Variants in SPP2 observed in about 807,000 individuals in gnomAD.
SPP2 encodes the protein secreted phosphoprotein 24.
In SPP2, 34 loss-of-function variants were observed where a neutral mutation model predicts 28.8. The observed-to-expected ratio is 1.18, with a 90% CI of 0.90 to 1.57. The LOEUF (loss-of-function observed/expected upper bound fraction) is 1.57, where lower values mean the gene tolerates loss of function less well. Among genes scored for constraint, SPP2 ranks in the 40% most tolerant of loss-of-function variants. SPP2 has a pLI of 0.00. For synonymous variants in SPP2, 96 were observed against 89.4 expected, an observed-to-expected ratio of 1.07 and a Z score of -0.42; for missense variants, 269 against 263.9, an observed-to-expected ratio of 1.02 and a Z score of -0.13.
Position 234,076,940 on chromosome 2 carries a change from G to A in SPP2, c.*106G>A, listed in dbSNP as rs1013876146. 2.6e-5 allele frequency: 4 copies of A among 152,000 alleles called. No homozygotes were observed. The highest frequency in any genetic ancestry group is 5.9e-5 in the Non-Finnish European group (4 of 68,050). 9.4% of individuals were successfully genotyped at this position (152,000 alleles called of 1,614,324 possible). ...CGGATCTGGTTTTGAATAATTCCCA[G>A]GAGTCCTGGGTCCCTGGCCTCCAAA... On this transcript the variant is annotated 3_prime_UTR_variant, in exon 8 of 8. Transcript: ENST00000168148.
chr2:234,064,307 G>A (rs1472452500), intron 4 of SPP2, among the ~76,000 whole-genome samples: 13 of 152,032 alleles, frequency 8.6e-5, no homozygotes, highest in Non-Finnish European at 1.8e-4. Flanking sequence ...TTGCTGCAGA[G>A]AGGCTTTCCC....
intron 4 of SPP2, among the ~76,000 whole-genome samples, chr2:234,062,604 C>T (rs759949301): frequency 3.5e-4 from 53 of 151,622 alleles, no homozygotes; most frequent in Non-Finnish European, 6.8e-4. Flanking sequence ...AATCAGATGA[C>T]GAATAGATTG....
At chr2:234,074,857 C>G (rs1690864398) in intron 7 of SPP2, among the ~76,000 whole-genome samples, 1 of 152,160 alleles carries the variant, frequency 6.6e-6, no homozygotes. Flanking sequence ...AGCTCTATAA[C>G]TCATGCCTGA....
rs757943898 is a variant in SPP2, at chr2:234,060,349, C to T, written c.334-20C>T. ...TCCACAAACAGCTGAAGAGAGAACT[C>T]ACCCCTTTGTCTTTTCCAGTCCACA... On this transcript the variant is annotated intron_variant, in intron 3 of 7. Coordinates refer to ENST00000168148, the MANE Select transcript of SPP2 (RefSeq NM_006944.3). 8 of 1,576,412 alleles carry T rather than the reference C, an allele frequency of 5.1e-6. No homozygotes were observed. The East Asian group carries it at 1.8e-4, about 35-fold the overall frequency.
intron 3 of SPP2, 57 bp downstream of exon 3, chr2:234,059,015 C>T: frequency 1.3e-6 from 2 of 1,578,444 alleles, no homozygotes; most frequent in East Asian, 2.3e-5. Context: ...TCACTTCTTC[C>T]ATGACCTGGA....
At chr2:234,067,387 TA>T in intron 6 of SPP2, 113 bp downstream of exon 6, 1 of 959,646 alleles carries the variant, frequency 1.0e-6, no homozygotes. Context: ...ATCTCTGAAA[TA>T]CAAAATATTT....
chr2:234,051,679 C>T (rs557563335), intron 2 of SPP2, among the ~76,000 whole-genome samples: 50 of 152,246 alleles, frequency 3.3e-4, no homozygotes, highest in Admixed American at 2.9e-3. Flanking sequence ...TTCCTGTTCC[C>T]CAGGTAATTT....
At chr2:234,056,234 C>T (rs957068674) in intron 2 of SPP2, 4 of 152,072 alleles carry the variant, frequency 2.6e-5, no homozygotes, top group African/African-American at 9.7e-5. Flanking sequence ...AAAAAACAAA[C>T]AACCCCATCA....
At chr2:234,052,703 G>A (rs185768666) in intron 2 of SPP2, among the ~76,000 whole-genome samples, 1 of 152,274 alleles carries the variant, frequency 6.6e-6, no homozygotes, top group East Asian at 1.9e-4. Context: ...CCTTTACCTG[G>A]AGGTCTGCCT....
intron 4 of SPP2, among the ~76,000 whole-genome samples, chr2:234,063,935 C>A (rs751811958): frequency 1.3e-5 from 2 of 152,100 alleles, no homozygotes; most frequent in Non-Finnish European, 2.9e-5. Flanking sequence ...TTATTTACTG[C>A]CTTTCATTTC....
At chr2:234,064,954 A>T (rs1391287778) in intron 4 of SPP2, among the ~76,000 whole-genome samples, 3 of 152,198 alleles carry the variant, frequency 2.0e-5, no homozygotes, top group Non-Finnish European at 4.4e-5. Flanking sequence ...TCATTGATCG[A>T]CATTTTGCTT....
intron 7 of SPP2, among the ~76,000 whole-genome samples, chr2:234,073,870 G>T (rs1308715668): frequency 2.0e-5 from 3 of 152,168 alleles, no homozygotes; most frequent in Admixed American, 2.0e-4. Flanking sequence ...ACAGTAAAAA[G>T]AATCATTCTC....
In SPP2 at chr2:234,050,956, T is replaced by A; in HGVS notation, c.86-15T>A. 1 of 1,614,038 alleles carries A rather than the reference T, an allele frequency of 6.2e-7. No homozygotes were observed. Among genetic ancestry groups the A allele is most frequent in the Non-Finnish European group, 8.5e-7 (1 of 1,179,914 alleles). Reference sequence around the variant, plus strand: ...GTGTCTTGTCTCACTGTGCCCCATGTGCTTGCGTGTCCAGGTTTCCCAGTG... The same window carrying A: ...GTGTCTTGTCTCACTGTGCCCCATGAGCTTGCGTGTCCAGGTTTCCCAGTG... On this transcript the variant is annotated splice_polypyrimidine_tract_variant and intron_variant, in intron 1 of 7. Transcript: ENST00000168148.
At chr2:234,069,872 C>A (rs1693898877) in intron 6 of SPP2, 56 bp from the exon 7 acceptor site, 3 of 1,360,552 alleles carry the variant, frequency 2.2e-6, no homozygotes, top group Middle Eastern at 1.8e-4. Flanking sequence ...ATTGTCCACA[C>A]TGTCTCAGAT....
rs922807455 is a variant in SPP2, at chr2:234,060,583, T to C, written c.444+104T>C. On this transcript the variant is annotated intron_variant, in intron 4 of 7. Coordinates refer to ENST00000168148, the MANE Select transcript of SPP2 (RefSeq NM_006944.3). Reference sequence around the variant, plus strand: ...TGGGTAGCTGGATCATCACCTGGGCTTGGGGATGCCGAACTCTGCTGACAC... The same window carrying C: ...TGGGTAGCTGGATCATCACCTGGGCCTGGGGATGCCGAACTCTGCTGACAC... The C allele has an allele frequency of 6.9e-6, 6 of 866,946 alleles. No individual in the cohort carries two copies. The African/African-American group carries it at 8.7e-5, about 13-fold the overall frequency. 53.7% of individuals were successfully genotyped at this position (866,946 alleles called of 1,614,324 possible). A position where few individuals can be genotyped will look rare whatever the true frequency, so the allele number is the denominator to read the frequency against.
Position 234,060,473 on chromosome 2 carries a change from C to A in SPP2, c.438C>A (p.Ser146Arg), listed in dbSNP as rs748604950. Residue 146 changes from serine to arginine, a missense_variant, in exon 4 of 8, where the codon AGC becomes AGA. By Grantham distance (110) the Ser-to-Arg change is moderately radical. Coordinates refer to ENST00000168148, the MANE Select transcript of SPP2 (RefSeq NM_006944.3). ...WSSSTSESYS[S>R]EEMIFGDMLG... ...CCTCCACGTCTGAGTCTTACAGCAG[C>A]GAAGAGGTATGACTGGGGCCTTGTC... is the stretch of plus-strand genomic sequence containing the variant. 1.7e-5 allele frequency: 27 copies of A among 1,613,120 alleles called. No individual in the cohort carries two copies. Among genetic ancestry groups the A allele is most frequent in the East Asian group, 2.2e-5 (1 of 44,796 alleles).
Position 234,069,974 on chromosome 2 carries a change from C to G in SPP2, c.597C>G (p.Asn199Lys), listed in dbSNP as rs766392250. The G allele has an allele frequency of 1.2e-6, 2 of 1,613,530 alleles. No homozygotes were observed. Among genetic ancestry groups the G allele is most frequent in the African/African-American group, 2.7e-5 (2 of 74,902 alleles). The change falls in exon 7 of 8, where the codon AAC becomes AAG. Residue 199 changes from asparagine (N) to lysine (K), a missense_variant. By Grantham distance (94) the Asn-to-Lys change is moderately conservative (BLOSUM62 0). Transcript: ENST00000168148. ...VLPPGNRRYP[N>K]HRHRARINTD... is the part of the protein sequence containing the mutation. ...CTCCTGGAAACAGAAGGTACCCAAA[C>G]CACCGGCACAGAGCAAGAATAAATA...
intron 2 of SPP2, among the ~76,000 whole-genome samples, chr2:234,051,498 T>A (rs1693497409): frequency 6.6e-6 from 1 of 152,240 alleles, no homozygotes; most frequent in Non-Finnish European, 1.5e-5. Context: ...GTCAAAGAAA[T>A]TCACCTTTCC....
chr2:234,063,118 A>G (rs1020512775), intron 4 of SPP2, among the ~76,000 whole-genome samples: 3 of 152,196 alleles, frequency 2.0e-5, no homozygotes, highest in Non-Finnish European at 4.4e-5. Context: ...TCTTGCATGA[A>G]ACAGAGAAGA....
Sources: allele counts gnomAD v4.1 joint callset (sites outside exome capture counted in the v4.1 genomes callset), GRCh38; gene constraint gnomAD v4.1.1; transcripts MANE v1.5; gene names NCBI Gene and HGNC (gene_info 2026-07-23, HGNC 2026-07-21).